CDK14: variants seen among roughly 807,000 people sequenced by gnomAD.
The protein encoded by CDK14 is cyclin-dependent kinase 14.
A neutral mutation model predicts 60.7 loss-of-function variants in CDK14; 34 were observed. The observed-to-expected ratio is 0.56, with a 90% CI of 0.43 to 0.75. The LOEUF is 0.75. Ranked by LOEUF, CDK14 falls within the 30% of genes least tolerant of loss-of-function variation. The pLI is 0.00. For missense variants in CDK14, 482 were observed against 564.1 expected (o/e 0.85, Z 1.47); for synonymous variants, 197 against 203.7 (o/e 0.97, Z 0.28).
At chr7:90,803,105 ATT>A (rs35308838) in intron 5 of CDK14, among the ~76,000 whole-genome samples, 1 of 148,806 alleles carries the variant, frequency 6.7e-6, no homozygotes, top group African/African-American at 2.5e-5. Flanking sequence ...TGAGTTAACC[ATT>A]TTTTTTTTTC....
At chr7:91,187,809 A>G (rs936518334) in intron 14 of CDK14, among the ~76,000 whole-genome samples, 3 of 152,204 alleles carry the variant, frequency 2.0e-5, no homozygotes, top group African/African-American at 7.2e-5. Context: ...TGACATCTAC[A>G]TAGTGCATGG....
At chr7:91,154,729 C>T (rs1800933016) in intron 14 of CDK14, among the ~76,000 whole-genome samples, 2 of 152,096 alleles carry the variant, frequency 1.3e-5, no homozygotes, top group Non-Finnish European at 2.9e-5. Flanking sequence ...CTGCTTGGCA[C>T]ATTCTAGCTG....
chr7:91,102,138 A>C (rs1356256256), intron 12 of CDK14, among the ~76,000 whole-genome samples: 5 of 152,184 alleles, frequency 3.3e-5, no homozygotes, highest in Non-Finnish European at 7.3e-5. Flanking sequence ...TATCCTTGCC[A>C]CAGAGATGTG....
rs187539942 is a variant in CDK14, at chr7:90,854,232, G to A, written c.545-8943G>A. On this transcript the variant is annotated intron_variant, in intron 5 of 14. Transcript: ENST00000380050. ...TGATTTAAATCTATTCAGACAGCAA[G>A]GTCAGGCACAGTGTATCATGCCTGT... Among the ~76,000 whole-genome samples, 495 of 152,266 alleles carry A rather than the reference G, an allele frequency of 3.3e-3. 2 individuals are homozygous for A. The highest frequency in any genetic ancestry group is 0.011 in the African/African-American group (468 of 41,554).
chr7:90,842,998 T>A (rs1471719295), intron 5 of CDK14, among the ~76,000 whole-genome samples: 1 of 152,204 alleles, frequency 6.6e-6, no homozygotes, highest in Non-Finnish European at 1.5e-5. Context: ...CTGCTTGATT[T>A]TACTGAGACC....
intron 6 of CDK14, among the ~76,000 whole-genome samples, chr7:90,863,734 A>G (rs1456386896): frequency 3.5e-5 from 5 of 142,314 alleles, no homozygotes; most frequent in African/African-American, 1.2e-4. Context: ...GATACAATTT[A>G]GACTTCAAAG....
chr7:90,812,485 G>T (rs959364969), intron 5 of CDK14, among the ~76,000 whole-genome samples: 123 of 152,136 alleles, frequency 8.1e-4, no homozygotes, highest in African/African-American at 2.8e-3. Context: ...GGGAAGGGGG[G>T]ACGGATTGCA....
intron 6 of CDK14, among the ~76,000 whole-genome samples, chr7:90,868,339 T>G (rs895750768): frequency 6.6e-6 from 1 of 150,950 alleles, no homozygotes; most frequent in Non-Finnish European, 1.5e-5. Context: ...ACACACACAT[T>G]AATGGAGTAA....
At chr7:90,770,679 C>T (rs1244254999) in intron 4 of CDK14, among the ~76,000 whole-genome samples, 1 of 152,178 alleles carries the variant, frequency 6.6e-6, no homozygotes, top group East Asian at 1.9e-4. Context: ...TTCTGCTCTC[C>T]AGGCTTTAAA....
At chr7:91,138,080 C>G (rs904797852) in intron 14 of CDK14, among the ~76,000 whole-genome samples, 1 of 152,158 alleles carries the variant, frequency 6.6e-6, no homozygotes, top group African/African-American at 2.4e-5. Context: ...AAAACTGCCT[C>G]TCTCCATTGT....
intron 12 of CDK14, among the ~76,000 whole-genome samples, chr7:91,085,922 A>G (rs987828578): frequency 3.3e-5 from 5 of 152,256 alleles, no homozygotes; most frequent in Non-Finnish European, 7.3e-5. Flanking sequence ...CAAATGCAGT[A>G]GCCATTAGGC....
chr7:90,740,290 G>GAGAA (rs1486134389), intron 3 of CDK14, among the ~76,000 whole-genome samples: 2 of 149,336 alleles, frequency 1.3e-5, no homozygotes, highest in East Asian at 4.0e-4. Flanking sequence ...GAGAGAGAGA[G>GAGAA]AAAGAAAGAA....
chr7:90,642,272 CAT>C (rs1405937462), intron 2 of CDK14, among the ~76,000 whole-genome samples: 3 of 152,220 alleles, frequency 2.0e-5, no homozygotes, highest in Non-Finnish European at 2.9e-5. Context: ...CTCAAATACA[CAT>C]GTGATGAACT....
intron 8 of CDK14, among the ~76,000 whole-genome samples, chr7:90,928,503 G>T (rs889694522): frequency 6.6e-6 from 1 of 152,210 alleles, no homozygotes; most frequent in African/African-American, 2.4e-5. Flanking sequence ...GACCCTGTTT[G>T]CCTGGGTATC....
intron 2 of CDK14, among the ~76,000 whole-genome samples, chr7:90,723,514 C>T (rs140491581): frequency 6.6e-5 from 10 of 152,250 alleles, no homozygotes; most frequent in South Asian, 2.1e-4. Flanking sequence ...AGAGGGGATA[C>T]TCAAGGCAGA....
intron 10 of CDK14, among the ~76,000 whole-genome samples, chr7:90,991,967 GT>G (rs1396888206): frequency 6.6e-6 from 1 of 152,298 alleles, no homozygotes; most frequent in Admixed American, 6.5e-5. Flanking sequence ...CTGGTCAATA[GT>G]TCTATGAAAA....
intron 2 of CDK14, among the ~76,000 whole-genome samples, chr7:90,688,136 G>T (rs1801477711): frequency 6.6e-6 from 1 of 152,186 alleles, no homozygotes; most frequent in African/African-American, 2.4e-5. Context: ...AAGTTCAAGA[G>T]ATCCAGGTTG....
intron 14 of CDK14, among the ~76,000 whole-genome samples, chr7:91,131,249 T>C (rs1450830967): frequency 6.6e-6 from 1 of 152,090 alleles, no homozygotes; most frequent in Non-Finnish European, 1.5e-5. Flanking sequence ...AGAGTACTGT[T>C]CAGGTATTTT....
At chr7:91,033,332 T>C (rs1313094862) in intron 10 of CDK14, among the ~76,000 whole-genome samples, 1 of 152,190 alleles carries the variant, frequency 6.6e-6, no homozygotes, top group African/African-American at 2.4e-5. Flanking sequence ...GAAATTGCCC[T>C]CAACCCTTCC....
Sources: allele counts gnomAD v4.1 joint callset (sites outside exome capture counted in the v4.1 genomes callset), GRCh38; gene constraint gnomAD v4.1.1; transcripts MANE v1.5; gene names NCBI Gene and HGNC (gene_info 2026-07-23, HGNC 2026-07-21).